GRAMD1B: variants seen among roughly 807,000 people sequenced by gnomAD.
GRAMD1B encodes the protein protein Aster-B.
A neutral mutation model predicts 99.7 loss-of-function variants in GRAMD1B; 37 were observed. The observed-to-expected ratio is 0.37, with a 90% CI of 0.29 to 0.49. GRAMD1B has a LOEUF of 0.49. Ranked by LOEUF, GRAMD1B falls within the 20% of genes least tolerant of loss-of-function variation. The pLI, the probability that GRAMD1B is intolerant of heterozygous loss-of-function variation, is 0.98. For missense variants in GRAMD1B, 888 were observed against 1,009.2 expected (o/e 0.88, Z 1.63); for synonymous variants, 427 against 387.6 (o/e 1.10, Z -1.19).
intron 1 of GRAMD1B, among the ~76,000 whole-genome samples, chr11:123,433,059 A>G (rs1948974667): frequency 6.6e-6 from 1 of 152,014 alleles, no homozygotes; most frequent in Non-Finnish European, 1.5e-5. Flanking sequence ...CCTTGAACTA[A>G]AGTAGTTTGT....
At chr11:123,567,046 C>T (rs372227125) in intron 2 of GRAMD1B, among the ~76,000 whole-genome samples, 1 of 152,172 alleles carries the variant, frequency 6.6e-6, no homozygotes, top group African/African-American at 2.4e-5. Context: ...TGGAGTGGCC[C>T]TTCAAGAAAG....
intron 1 of GRAMD1B, chr11:123,480,590 G>T (rs746969019): frequency 2.8e-6 from 1 of 362,990 alleles, no homozygotes; most frequent in East Asian, 4.0e-5. Flanking sequence ...TTCTGTTTTG[G>T]CTGGCAACAG....
chr11:123,381,373 C>T (rs1412270836), intron 1 of GRAMD1B: 2 of 154,234 alleles, frequency 1.3e-5, no homozygotes, highest in African/African-American at 4.8e-5. Context: ...CTCCCTATTG[C>T]GTCATGAGAC....
At chr11:123,554,366 C>A (rs759568777) in intron 2 of GRAMD1B, among the ~76,000 whole-genome samples, 2 of 151,954 alleles carry the variant, frequency 1.3e-5, no homozygotes, top group African/African-American at 4.8e-5. Flanking sequence ...AGAAACCACA[C>A]CAATAATTTG....
intron 2 of GRAMD1B, chr11:123,526,190 G>A (rs1260149511): frequency 2.5e-6 from 4 of 1,605,456 alleles, no homozygotes; most frequent in Non-Finnish European, 2.6e-6. Context: ...AGGAGGGATA[G>A]GGCACCTTCC....
chr11:123,579,531 G>T (rs73615851), intron 3 of GRAMD1B, among the ~76,000 whole-genome samples: 8,240 of 152,198 alleles, frequency 0.054, 338 homozygotes, highest in African/African-American at 0.12. Flanking sequence ...CCAGCGGCTC[G>T]GCAGGTGCAG....
chr11:123,531,304 C>T (rs753730121), intron 2 of GRAMD1B, among the ~76,000 whole-genome samples: 34 of 152,198 alleles, frequency 2.2e-4, no homozygotes, highest in Non-Finnish European at 4.8e-4. Flanking sequence ...AAACTTCTGA[C>T]TCTACAGATT....
intron 2 of GRAMD1B, among the ~76,000 whole-genome samples, chr11:123,545,648 T>C (rs75467171): frequency 0.016 from 2,392 of 152,346 alleles, 49 homozygotes; most frequent in African/African-American, 0.041. Flanking sequence ...GCTCATTAAA[T>C]AGAATTGTTA....
At chr11:123,495,020 T>C (rs1023988594) in intron 2 of GRAMD1B, among the ~76,000 whole-genome samples, 1 of 152,014 alleles carries the variant, frequency 6.6e-6, no homozygotes, top group Non-Finnish European at 1.5e-5. Context: ...TTCTAGGTAT[T>C]GAGGAAGTCA....
chr11:123,513,578 T>TTCCC (rs1555050112), intron 2 of GRAMD1B, among the ~76,000 whole-genome samples: 3 of 41,694 alleles, frequency 7.2e-5, no homozygotes, highest in Middle Eastern at 0.011. Flanking sequence ...CCTTCCTTCC[T>TTCCC]TTCCTTCCTT....
chr11:123,521,125 C>A (rs577350291), intron 2 of GRAMD1B, among the ~76,000 whole-genome samples: 1 of 152,296 alleles, frequency 6.6e-6, no homozygotes, highest in South Asian at 2.1e-4. Context: ...AGTATGCAAT[C>A]ATCCAACTTT....
intron 1 of GRAMD1B, among the ~76,000 whole-genome samples, chr11:123,469,739 C>CTT (rs1950897959): frequency 3.5e-5 from 5 of 141,052 alleles, no homozygotes; most frequent in African/African-American, 1.3e-4. Context: ...TTCTTTCTTT[C>CTT]TCTTTCTTTC....
At chr11:123,377,822 G>T (rs182611737) in intron 1 of GRAMD1B, among the ~76,000 whole-genome samples, 70 of 152,312 alleles carry the variant, frequency 4.6e-4, no homozygotes, top group African/African-American at 1.6e-3. Flanking sequence ...CTAAAGAAAA[G>T]ACTTGCAAAA....
At chr11:123,518,531 G>C (rs1190195630) in intron 2 of GRAMD1B, among the ~76,000 whole-genome samples, 2 of 152,124 alleles carry the variant, frequency 1.3e-5, no homozygotes, top group African/African-American at 4.8e-5. Context: ...GTTGCATGAG[G>C]GGGCTTGTGA....
chr11:123,595,092 C>T (rs1016935630), intron 6 of GRAMD1B, among the ~76,000 whole-genome samples: 2 of 152,066 alleles, frequency 1.3e-5, no homozygotes, highest in Non-Finnish European at 2.9e-5. Flanking sequence ...CAAATGCAGG[C>T]AAATATTTGG....
At chr11:123,445,435 G>A (rs1362802820) in intron 1 of GRAMD1B, among the ~76,000 whole-genome samples, 1 of 152,140 alleles carries the variant, frequency 6.6e-6, no homozygotes, top group African/African-American at 2.4e-5. Flanking sequence ...GGAAGAGTTT[G>A]CCCTTAACTT....
At chr11:123,535,215 AT>A (rs1943837676) in intron 2 of GRAMD1B, among the ~76,000 whole-genome samples, 1 of 150,516 alleles carries the variant, frequency 6.6e-6, no homozygotes. Context: ...AATTACAATC[AT>A]GATGCTTCTG....
intron 1 of GRAMD1B, among the ~76,000 whole-genome samples, chr11:123,370,559 C>G (rs1320631407): frequency 6.6e-6 from 1 of 151,934 alleles, no homozygotes; most frequent in Non-Finnish European, 1.5e-5. Flanking sequence ...AGGCTGGTCT[C>G]GAACTCCTGA....
intron 12 of GRAMD1B, 117 bp from the exon 13 acceptor site, chr11:123,609,678 C>G: frequency 1.6e-6 from 1 of 644,940 alleles, no homozygotes. Context: ...CATTGGCTTC[C>G]TTTTGGGGGC....
Sources: gnomAD v4.1 joint callset for allele counts (sites outside exome capture counted in the v4.1 genomes callset) on GRCh38, gnomAD v4.1.1 for gene constraint, MANE v1.5 for transcripts, NCBI Gene and HGNC (gene_info 2026-07-23, HGNC 2026-07-21) for gene names.